Variants in ZMYM4 observed in about 807,000 individuals in gnomAD.
ZMYM4 encodes the protein zinc finger MYM-type containing 4.
A neutral mutation model predicts 183.2 loss-of-function variants in ZMYM4; 31 were observed. The ratio of observed to expected loss-of-function variants is 0.17; its 90% CI spans 0.13 to 0.23. The LOEUF is 0.23. Among genes scored for constraint, ZMYM4 ranks in the 10% least tolerant of loss-of-function variants. The probability of loss-of-function intolerance (pLI) is 1.00; values close to 1 mark genes in which losing one functional copy is unlikely to be tolerated. For synonymous variants in ZMYM4, 592 were observed against 631.2 expected, an observed-to-expected ratio of 0.94 and a Z score of 0.93; for missense variants, 1,273 against 1,840.3, an observed-to-expected ratio of 0.69 and a Z score of 5.64.
chr1:35,333,191 T>C (rs1031764335), intron 2 of ZMYM4, among the ~76,000 whole-genome samples: 5 of 152,162 alleles, frequency 3.3e-5, no homozygotes, highest in Non-Finnish European at 5.9e-5. Context: ...TGTGTTTGGA[T>C]CTTCATGGCA....
At chr1:35,365,405 A>G (rs1644050353) in intron 5 of ZMYM4, among the ~76,000 whole-genome samples, 1 of 152,092 alleles carries the variant, frequency 6.6e-6, no homozygotes, top group African/African-American at 2.4e-5. Context: ...CTGTACATTC[A>G]GTAAATACTA....
At position 35,415,480 on chromosome 1, in the gene ZMYM4, C is replaced by T; in HGVS notation, c.4075C>T (p.Arg1359Cys). 1 of 1,614,192 alleles carries T rather than the reference C, an allele frequency of 6.2e-7. No individual in the cohort carries two copies. Among genetic ancestry groups the T allele is most frequent in the Non-Finnish European group, 8.5e-7 (1 of 1,180,028 alleles). The change falls in exon 28 of 30, where the codon CGC becomes TGC. Residue 1359 changes from arginine (R) to cysteine (C), a missense_variant. Physicochemically the swap from Arg to Cys is radical, Grantham distance 180. Transcript: ENST00000314607. ...TILPNGYMFS[R>C]IEEEHLWECK... is the part of the protein sequence containing the mutation. ...CTTCTGTCTAGGTTACATGTTCTCT[C>T]GCATTGAGGAAGAGCATTTGTGGGA... is the stretch of plus-strand genomic sequence containing the variant.
At chr1:35,392,382 G>A in intron 16 of ZMYM4, 30 bp downstream of exon 16, 1 of 1,601,562 alleles carries the variant, frequency 6.2e-7, no homozygotes, top group Non-Finnish European at 8.5e-7. Flanking sequence ...CATTTATCTA[G>A]CCTATTTAGG....
intron 19 of ZMYM4, chr1:35,397,010 A>T: frequency 1.1e-6 from 1 of 895,812 alleles, no homozygotes; most frequent in Non-Finnish European, 1.4e-6. Context: ...ATTTTTGATT[A>T]AAGAAAAATG....
chr1:35,389,389 T>G lies in ZMYM4; in HGVS notation c.2436+307T>G, dbSNP rs184437497. Among the ~76,000 whole-genome samples, 1 of 152,348 alleles carries G rather than the reference T, an allele frequency of 6.6e-6. No individual in the cohort carries two copies. Among genetic ancestry groups the G allele is most frequent in the Admixed American group, 6.5e-5 (1 of 15,306 alleles). ...TGAAGTCTGAGGAAGATAGACCTTA[T>G]TTTTATTTCACTTTGTTTTTTAATT... On this transcript the variant is annotated intron_variant, in intron 14 of 29. Coordinates refer to ENST00000314607, the MANE Select transcript of ZMYM4 (RefSeq NM_005095.3). This position sits in a 1 kb window ranked among gnomAD's most constrained non-coding sequence, Gnocchi z 4.0.
At chr1:35,401,755 T>C (rs940994538) in intron 23 of ZMYM4, among the ~76,000 whole-genome samples, 18 of 152,226 alleles carry the variant, frequency 1.2e-4, no homozygotes, top group African/African-American at 4.3e-4. Context: ...CTTTTATGTT[T>C]GTGATCTATT....
chr1:35,397,214 C>G, intron 19 of ZMYM4, 163 bp from the exon 20 acceptor site: 3 of 1,058,476 alleles, frequency 2.8e-6, no homozygotes, highest in African/African-American at 1.6e-5. Context: ...ATTTAAATGG[C>G]TCTAGTCTTA....
In ZMYM4 at chr1:35,268,810, C is replaced by G. The variant is rs1639434077; in HGVS notation, c.-237C>G. ...TGGAGGCCATTAACCCCCCGAGTCC[C>G]GGCCCCCACCCCGTCCCCGGGCAGG... On this transcript the variant is annotated 5_prime_UTR_variant, in exon 1 of 30. Coordinates refer to ENST00000314607, the MANE Select transcript of ZMYM4 (RefSeq NM_005095.3). 6.6e-6 allele frequency among the ~76,000 whole-genome samples: 1 copy of G among 152,212 alleles called. No homozygotes were observed.
intron 5 of ZMYM4, among the ~76,000 whole-genome samples, chr1:35,367,832 CG>C (rs1373807731): frequency 1.3e-5 from 2 of 151,688 alleles, no homozygotes; most frequent in Non-Finnish European, 2.9e-5. Flanking sequence ...AAAAATTAGC[CG>C]GGTGTGGTGG....
chr1:35,328,211 C>T (rs1376541394), intron 2 of ZMYM4, among the ~76,000 whole-genome samples: 1 of 152,104 alleles, frequency 6.6e-6, no homozygotes, highest in Admixed American at 6.6e-5. Context: ...GTTTCTGGTA[C>T]GTGGTGTTTC....
intron 1 of ZMYM4, among the ~76,000 whole-genome samples, chr1:35,318,909 G>A (rs1017698142): frequency 4.6e-5 from 7 of 151,982 alleles, no homozygotes; most frequent in East Asian, 3.9e-4. Context: ...TTTTTGAGAC[G>A]GAGTTTCGCT....
intron 2 of ZMYM4, among the ~76,000 whole-genome samples, chr1:35,356,780 G>A (rs2148898730): frequency 6.6e-6 from 1 of 152,238 alleles, no homozygotes; most frequent in Non-Finnish European, 1.5e-5. Flanking sequence ...GCAGTGGGGA[G>A]CTATTGAAGA....
In ZMYM4 at chr1:35,387,679, ACTGT is replaced by A. The variant is rs1644606909; in HGVS notation, c.2263+78_2263+81del. Reference sequence around the variant, plus strand: ...GCAGTTGATGATGATTTAAGCTTTCACTGTCTAAGTTAATCTGTTTTATTGTTTA... The same window carrying A: ...GCAGTTGATGATGATTTAAGCTTTCACTAAGTTAATCTGTTTTATTGTTTA... On this transcript the variant is annotated intron_variant, in intron 13 of 29. Transcript: ENST00000314607. The A allele has an allele frequency of 4.1e-6, 6 of 1,463,508 alleles. No homozygotes were observed. The South Asian group carries it at 8.3e-5, about 20-fold the overall frequency. The allele number at this position is 1,463,508 out of a possible 1,614,324, so 90.7% of individuals were successfully genotyped here.
intron 2 of ZMYM4, chr1:35,351,397 T>C (rs1643600725): frequency 1.9e-6 from 3 of 1,572,468 alleles, no homozygotes; most frequent in African/African-American, 2.7e-5. Flanking sequence ...TCTCAATACA[T>C]AAAGAACAGC....
intron 9 of ZMYM4, among the ~76,000 whole-genome samples, chr1:35,382,228 A>G (rs1052644531): frequency 3.3e-5 from 5 of 150,604 alleles, no homozygotes; most frequent in African/African-American, 1.2e-4. Flanking sequence ...ATATACGTAT[A>G]TATGTATGTA....
chr1:35,334,179 C>T (rs2148842245), intron 2 of ZMYM4, among the ~76,000 whole-genome samples: 1 of 152,062 alleles, frequency 6.6e-6, no homozygotes, highest in East Asian at 1.9e-4. Flanking sequence ...ATTAGTTGGG[C>T]TTGGGGGCAC....
At chr1:35,348,177 G>A (rs910515906) in intron 2 of ZMYM4, among the ~76,000 whole-genome samples, 10 of 152,122 alleles carry the variant, frequency 6.6e-5, no homozygotes, top group Non-Finnish European at 8.8e-5. Context: ...GCCTTAGTGC[G>A]TAAGTTGACT....
chr1:35,359,551 T>A, intron 3 of ZMYM4, 105 bp downstream of exon 3: 1 of 1,130,442 alleles, frequency 8.8e-7, no homozygotes, highest in Non-Finnish European at 1.2e-6. Context: ...AACGGTTAAA[T>A]TCATTGTAAG....
intron 11 of ZMYM4, among the ~76,000 whole-genome samples, chr1:35,386,465 C>G (rs1224701697): frequency 1.3e-5 from 2 of 152,062 alleles, no homozygotes; most frequent in African/African-American, 2.4e-5. Flanking sequence ...TTTAAACAAC[C>G]AGATAGTGAG....
Sources: allele counts gnomAD v4.1 joint callset (sites outside exome capture counted in the v4.1 genomes callset), GRCh38; gene constraint gnomAD v4.1.1; non-coding constraint Gnocchi (gnomAD v3.1); transcripts MANE v1.5; gene names NCBI Gene and HGNC (gene_info 2026-07-23, HGNC 2026-07-21).